Variants in ANO3 observed in about 807,000 individuals in gnomAD.
ANO3 encodes anoctamin-3.
In ANO3, 99 loss-of-function variants were observed where a neutral mutation model predicts 144.8. That is an observed-to-expected ratio of 0.68 (90% CI 0.58 to 0.81). The LOEUF is 0.81. Among genes scored for constraint, ANO3 ranks in the 30% least tolerant of loss-of-function variants. The pLI is 0.00. For missense variants in ANO3, 905 were observed against 1,202.2 expected (o/e 0.75, Z 3.66); for synonymous variants, 414 against 392.6 (o/e 1.05, Z -0.64).
chr11:26,541,673 C>G (rs887844907), intron 10 of ANO3, among the ~76,000 whole-genome samples: 1 of 152,100 alleles, frequency 6.6e-6, no homozygotes, highest in African/African-American at 2.4e-5. Context: ...AAATTCCAAA[C>G]AGTGAAGCCT....
In ANO3 at chr11:26,598,850, T is replaced by C. The variant is rs2132926867; in HGVS notation, c.1531-8T>C. The C allele has an allele frequency of 1.2e-6, 2 of 1,609,802 alleles. No individual in the cohort carries two copies. The highest frequency in any genetic ancestry group is 2.2e-5 in the East Asian group (1 of 44,790). On this transcript the variant is annotated splice_region_variant and splice_polypyrimidine_tract_variant and intron_variant, in intron 15 of 26. Transcript: ENST00000256737. ...TTGATATTTAGATAACTTTCGTTTC[T>C]CTCATAGGAAACACTTCGTCCCCAG...
intron 1 of ANO3, among the ~76,000 whole-genome samples, chr11:26,419,247 G>A (rs150819074): frequency 2.9e-4 from 44 of 152,246 alleles, no homozygotes; most frequent in African/African-American, 9.6e-4. Context: ...GGGAGATGGT[G>A]TTAAATCATG....
At chr11:26,616,002 A>G (rs1003788931) in intron 17 of ANO3, among the ~76,000 whole-genome samples, 2 of 152,218 alleles carry the variant, frequency 1.3e-5, no homozygotes, top group African/African-American at 4.8e-5. Flanking sequence ...GTCTAGTAAT[A>G]TAAACAAGTT....
intron 1 of ANO3, among the ~76,000 whole-genome samples, chr11:26,223,649 A>T (rs1271834611): frequency 6.6e-6 from 1 of 151,962 alleles, no homozygotes; most frequent in Non-Finnish European, 1.5e-5. Flanking sequence ...TTTATGAAGA[A>T]AAGAGGTTTA....
At chr11:26,362,185 G>C (rs1590292700) in intron 1 of ANO3, among the ~76,000 whole-genome samples, 1 of 152,032 alleles carries the variant, frequency 6.6e-6, no homozygotes, top group South Asian at 2.1e-4. Context: ...AGTACACCAG[G>C]AAGCCACAAT....
intron 14 of ANO3, among the ~76,000 whole-genome samples, chr11:26,580,447 T>A (rs941955356): frequency 5.9e-5 from 9 of 152,196 alleles, no homozygotes; most frequent in African/African-American, 2.2e-4. Context: ...TAGTTGAAAT[T>A]TTTACAATTT....
chr11:26,411,372 C>A (rs1455291121), intron 1 of ANO3, among the ~76,000 whole-genome samples: 1 of 151,880 alleles, frequency 6.6e-6, no homozygotes, highest in East Asian at 1.9e-4. Context: ...ATTTTGCCAA[C>A]ATGGGAAAGT....
At position 26,571,606 on chromosome 11, in the gene ANO3, C is replaced by T. The variant is rs1484204563; in HGVS notation, c.1447+11827C>T. On this transcript the variant is annotated intron_variant, in intron 14 of 26. Transcript: ENST00000256737. Reference sequence around the variant, plus strand: ...ACTATTCTAATACTTAAAGCAAAAACCTCTAATACTTAAAGCAAAAACCTT... The same window carrying T: ...ACTATTCTAATACTTAAAGCAAAAATCTCTAATACTTAAAGCAAAAACCTT... Among the ~76,000 whole-genome samples, 5 of 152,100 alleles carry T rather than the reference C, an allele frequency of 3.3e-5. No homozygotes were observed. The East Asian group carries it at 9.7e-4, about 29-fold the overall frequency.
intron 11 of ANO3, among the ~76,000 whole-genome samples, chr11:26,543,793 C>G (rs140374421): frequency 6.6e-6 from 1 of 152,008 alleles, no homozygotes; most frequent in Non-Finnish European, 1.5e-5. Context: ...TGAACTCATC[C>G]TTTTTTATGG....
rs553101472 is a variant in ANO3, at chr11:26,413,646, A to G, written c.47-28272A>G. Among the ~76,000 whole-genome samples the G allele has an allele frequency of 2.0e-5, 3 of 152,184 alleles. No homozygotes were observed. The South Asian group carries it at 6.2e-4, about 32-fold the overall frequency. ...GTTGCACACCCAAGGCATTAATGTC[A>G]TAAACTTTATTTATGTAATTCTTTA... is the stretch of plus-strand genomic sequence containing the variant. On this transcript the variant is annotated intron_variant, in intron 1 of 26. Transcript: ENST00000256737.
chr11:26,244,116 G>GAA (rs755726181), intron 1 of ANO3, among the ~76,000 whole-genome samples: 9,696 of 94,354 alleles, frequency 0.1, 533 homozygotes, highest in African/African-American at 0.18. Flanking sequence ...GACTCTGTCT[G>GAA]AAAAAAAAAA....
chr11:26,604,151 T>C (rs557679697), intron 17 of ANO3, among the ~76,000 whole-genome samples: 3 of 152,164 alleles, frequency 2.0e-5, no homozygotes, highest in African/African-American at 7.2e-5. Context: ...TATGAACTCA[T>C]TTATTGATTT....
At chr11:26,587,642 A>G (rs1851323881) in intron 14 of ANO3, among the ~76,000 whole-genome samples, 1 of 152,146 alleles carries the variant, frequency 6.6e-6, no homozygotes, top group Admixed American at 6.5e-5. Flanking sequence ...GATAGGTCCC[A>G]CTACTGCTAA....
chr11:26,326,707 T>G (rs1406578605), intron 1 of ANO3, among the ~76,000 whole-genome samples: 1 of 152,162 alleles, frequency 6.6e-6, no homozygotes, highest in Non-Finnish European at 1.5e-5. Flanking sequence ...CATTTCCATC[T>G]TTCTACAAAC....
chr11:26,650,475 T>C (rs1379289792), intron 24 of ANO3, among the ~76,000 whole-genome samples: 4 of 152,174 alleles, frequency 2.6e-5, no homozygotes, highest in South Asian at 4.1e-4. Flanking sequence ...ATACTGAAAT[T>C]AAGATATCAT....
chr11:26,493,617 G>T, intron 4 of ANO3, among the ~76,000 whole-genome samples: 1 of 152,040 alleles, frequency 6.6e-6, no homozygotes, highest in East Asian at 1.9e-4. Context: ...ATGACTTTTT[G>T]CCACCTTTAG....
At chr11:26,301,432 A>G (rs150454579) in intron 1 of ANO3, among the ~76,000 whole-genome samples, 2 of 152,370 alleles carry the variant, frequency 1.3e-5, no homozygotes, top group African/African-American at 4.8e-5. Flanking sequence ...AAACTGAAGT[A>G]CTTTTATTTA....
At chr11:26,627,673 C>A (rs1306389728) in intron 18 of ANO3, among the ~76,000 whole-genome samples, 2 of 152,030 alleles carry the variant, frequency 1.3e-5, no homozygotes, top group East Asian at 3.9e-4. Context: ...CAAGAAATGT[C>A]AAGGTTTTCA....
chr11:26,213,467 A>G lies in ANO3; in HGVS notation c.154+24137A>G, dbSNP rs1303495689. Among the ~76,000 whole-genome samples, 3 of 152,208 alleles carry G rather than the reference A, an allele frequency of 2.0e-5. No homozygotes were observed. The South Asian group carries it at 6.2e-4, about 32-fold the overall frequency. On this transcript the variant is annotated intron_variant, in intron 1 of 27. Coordinates refer to the ANO3 transcript ENST00000672621. ...AAATCAATGGGCAAAAAGCAAAAGC[A>G]TTCTTATACACCAATAACAGACAAA...
Sources: gnomAD v4.1 joint callset for allele counts (sites outside exome capture counted in the v4.1 genomes callset) on GRCh38, gnomAD v4.1.1 for gene constraint, MANE v1.5 for transcripts, NCBI Gene and HGNC (gene_info 2026-07-23, HGNC 2026-07-21) for gene names.